The following ARHGAP26 variants were observed in gnomAD, a reference collection of about 807,000 sequenced individuals.
The protein encoded by ARHGAP26 is Rho GTPase activating protein 26.
In ARHGAP26, 38 loss-of-function variants were observed where a neutral mutation model predicts 104.8. The observed-to-expected ratio is 0.36, with a 90% CI of 0.28 to 0.48. The LOEUF (loss-of-function observed/expected upper bound fraction) is 0.48. Ranked by LOEUF, ARHGAP26 falls within the 20% of genes least tolerant of loss-of-function variation. ARHGAP26 has a pLI of 0.99. For synonymous variants in ARHGAP26, 341 were observed against 340.0 expected (o/e 1.00, Z -0.03); for missense variants, 704 against 947.9 (o/e 0.74, Z 3.38).
At chr5:142,978,747 C>CTTTTTT (rs11375975) in intron 11 of ARHGAP26, among the ~76,000 whole-genome samples, 2 of 124,648 alleles carry the variant, frequency 1.6e-5, no homozygotes, top group Non-Finnish European at 3.4e-5. Flanking sequence ...AGGAGTTTGC[C>CTTTTTT]TTTTTTTTTT....
At chr5:142,830,297 C>A (rs1337801184) in intron 1 of ARHGAP26, among the ~76,000 whole-genome samples, 1 of 152,010 alleles carries the variant, frequency 6.6e-6, no homozygotes, top group Non-Finnish European at 1.5e-5. Context: ...GGATTAAATA[C>A]CTGGCTGAGA....
chr5:142,950,547 C>CT (rs1362224350), intron 11 of ARHGAP26, among the ~76,000 whole-genome samples: 4 of 151,928 alleles, frequency 2.6e-5, no homozygotes, highest in Admixed American at 2.0e-4. Flanking sequence ...TAAGGTGATC[C>CT]TTTTTTTGCT....
intron 1 of ARHGAP26, among the ~76,000 whole-genome samples, chr5:142,864,586 A>G (rs1753924662): frequency 1.3e-5 from 2 of 152,148 alleles, no homozygotes; most frequent in African/African-American, 4.8e-5. Flanking sequence ...CTGGTGACTC[A>G]ATGAGGCAAA....
chr5:143,145,853 G>C lies in ARHGAP26; in HGVS notation c.1838-1378G>C, dbSNP rs1562504081. 1.3e-5 allele frequency among the ~76,000 whole-genome samples: 2 copies of C among 152,190 alleles called. 1 individual carries two copies. Among genetic ancestry groups the C allele is most frequent in the Admixed American group, 1.3e-4 (2 of 15,284 alleles). On this transcript the variant is annotated intron_variant, in intron 19 of 22. Coordinates refer to ENST00000645722, the MANE Select transcript of ARHGAP26 (RefSeq NM_001135608.3). ...AGATATCAGGGGTATTGGGGTGAATGTGTATGTATTTAACGTGAGGCTTAC... is the reference window on the plus strand; with the variant it reads ...AGATATCAGGGGTATTGGGGTGAATCTGTATGTATTTAACGTGAGGCTTAC...
In ARHGAP26 at chr5:142,878,542, CAT is replaced by C. The variant is rs200163215; in HGVS notation, c.313-831_313-830del. ...ATGTGTATGTGTGTGTGTGTGCACG[CAT>C]GTGTGTGTGTGTGTATAAATGTGTA... On this transcript the variant is annotated intron_variant, in intron 3 of 22. Coordinates refer to ENST00000645722, the MANE Select transcript of ARHGAP26 (RefSeq NM_001135608.3). Among the ~76,000 whole-genome samples, 460 of 117,220 alleles carry C rather than the reference CAT, an allele frequency of 3.9e-3. 5 individuals carry two copies. The highest frequency in any genetic ancestry group is 9.1e-3 in the South Asian group (27 of 2,964). The allele number at this position is 117,220 out of a possible 152,430, so 76.9% of individuals were successfully genotyped here. A position where few individuals can be genotyped will look rare whatever the true frequency, so the allele number is the denominator to read the frequency against.
chr5:143,106,466 C>T (rs1334490975), intron 17 of ARHGAP26, among the ~76,000 whole-genome samples: 110 of 77,268 alleles, frequency 1.4e-3, no homozygotes, highest in Non-Finnish European at 1.5e-3. Context: ...ATGCATTGGG[C>T]TTTTTTTTTT....
chr5:143,212,074 A>G (rs1809553866), intron 21 of ARHGAP26, among the ~76,000 whole-genome samples: 1 of 152,144 alleles, frequency 6.6e-6, no homozygotes, highest in African/African-American at 2.4e-5. Context: ...GTGAAAATCC[A>G]GTCAGAGGAG....
At chr5:142,853,406 G>C (rs952140651) in intron 1 of ARHGAP26, among the ~76,000 whole-genome samples, 1 of 152,048 alleles carries the variant, frequency 6.6e-6, no homozygotes, top group African/African-American at 2.4e-5. Context: ...GGCCGGGCTG[G>C]TCTCAAACTC....
At chr5:143,152,185 C>T (rs9918291) in intron 20 of ARHGAP26, among the ~76,000 whole-genome samples, 2,163 of 152,076 alleles carry the variant, frequency 0.014, 63 homozygotes, top group African/African-American at 0.05. Context: ...TTGTCAAAAC[C>T]CATAGAACAC....
chr5:142,986,444 C>T (rs192081805), intron 11 of ARHGAP26, among the ~76,000 whole-genome samples: 1 of 152,300 alleles, frequency 6.6e-6, no homozygotes, highest in East Asian at 1.9e-4. Flanking sequence ...AAAGTTCTCT[C>T]CCATTCTGTA....
chr5:143,018,443 A>T (rs189566113), intron 12 of ARHGAP26, among the ~76,000 whole-genome samples: 1 of 152,300 alleles, frequency 6.6e-6, no homozygotes, highest in African/African-American at 2.4e-5. Context: ...ATGTGTACCT[A>T]TGTTTTCTTT....
intron 17 of ARHGAP26, among the ~76,000 whole-genome samples, chr5:143,115,890 G>A (rs1450526679): frequency 1.3e-5 from 2 of 152,152 alleles, no homozygotes; most frequent in Admixed American, 6.6e-5. Context: ...GTCCAAATTT[G>A]CAAATTGGAG....
intron 20 of ARHGAP26, among the ~76,000 whole-genome samples, chr5:143,174,565 T>G (rs1803223386): frequency 1.3e-5 from 2 of 152,206 alleles, no homozygotes; most frequent in South Asian, 4.1e-4. Flanking sequence ...GTCTGGAAAT[T>G]TTATCAACTG....
At chr5:143,116,230 T>A (rs942093050) in intron 17 of ARHGAP26, among the ~76,000 whole-genome samples, 4 of 152,200 alleles carry the variant, frequency 2.6e-5, no homozygotes, top group Non-Finnish European at 4.4e-5. Context: ...AGAGCTTTTT[T>A]AAAAAGTCTA....
chr5:142,782,495 T>A (rs73284442), intron 1 of ARHGAP26, among the ~76,000 whole-genome samples: 14,283 of 152,146 alleles, frequency 0.094, 1,110 homozygotes, highest in African/African-American at 0.21. Context: ...TGGGACATTT[T>A]AAAAACTCCC....
chr5:142,893,769 A>G (rs1416747491), intron 5 of ARHGAP26, among the ~76,000 whole-genome samples: 3 of 152,194 alleles, frequency 2.0e-5, no homozygotes, highest in Non-Finnish European at 2.9e-5. Context: ...AATCTTGATC[A>G]TAGCCATTGT....
intron 1 of ARHGAP26, among the ~76,000 whole-genome samples, chr5:142,785,809 T>C (rs1233942498): frequency 2.0e-5 from 3 of 152,106 alleles, no homozygotes; most frequent in Non-Finnish European, 4.4e-5. Flanking sequence ...GTAGAAAGCG[T>C]GTTTTCTACC....
chr5:143,078,846 TTAAA>T (rs984099545), intron 17 of ARHGAP26, among the ~76,000 whole-genome samples: 9 of 152,238 alleles, frequency 5.9e-5, no homozygotes, highest in Non-Finnish European at 1.3e-4. Context: ...CTTTGGGTTC[TTAAA>T]TACTTTCTTG....
At chr5:142,981,955 G>C (rs764695051) in intron 11 of ARHGAP26, among the ~76,000 whole-genome samples, 1 of 152,158 alleles carries the variant, frequency 6.6e-6, no homozygotes, top group Non-Finnish European at 1.5e-5. Context: ...AAGAGGCCTC[G>C]TGCAGGCTTT....
Sources: allele counts gnomAD v4.1 joint callset (sites outside exome capture counted in the v4.1 genomes callset), GRCh38; gene constraint gnomAD v4.1.1; transcripts MANE v1.5; gene names NCBI Gene and HGNC (gene_info 2026-07-23, HGNC 2026-07-21).